ABLIM2: variants seen among roughly 807,000 people sequenced by gnomAD.
ABLIM2 encodes actin binding LIM protein family member 2.
In ABLIM2, 53 loss-of-function variants were observed where a neutral mutation model predicts 97.7. The ratio of observed to expected loss-of-function variants is 0.54; its 90% confidence interval spans 0.44 to 0.68. The LOEUF is 0.68. Ranked by LOEUF, ABLIM2 falls within the 30% of genes least tolerant of loss-of-function variation. ABLIM2 has a pLI of 0.00. For missense variants in ABLIM2, 835 were observed against 867.2 expected (o/e 0.96, Z 0.47); for synonymous variants, 361 against 345.8 (o/e 1.04, Z -0.49).
chr4:8,026,692 AC>A (rs1777579526), intron 12 of ABLIM2, among the ~76,000 whole-genome samples: 2 of 152,264 alleles, frequency 1.3e-5, no homozygotes, highest in South Asian at 4.1e-4. Flanking sequence ...GGGCTGTGTC[AC>A]AAAATACCAC....
chr4:7,977,617 C>T (rs1734555457), intron 20 of ABLIM2, among the ~76,000 whole-genome samples: 1 of 151,946 alleles, frequency 6.6e-6, no homozygotes, highest in African/African-American at 2.4e-5. Flanking sequence ...TGGTGAAACC[C>T]CATCTCTATT....
At chr4:8,026,335 A>G (rs560327709) in intron 12 of ABLIM2, among the ~76,000 whole-genome samples, 64 of 152,350 alleles carry the variant, frequency 4.2e-4, no homozygotes, top group African/African-American at 1.5e-3. Context: ...GAGTCAGATC[A>G]TCCCAAAGCT....
intron 12 of ABLIM2, among the ~76,000 whole-genome samples, chr4:8,024,988 G>A (rs1347286220): frequency 6.6e-6 from 1 of 152,154 alleles, no homozygotes; most frequent in Non-Finnish European, 1.5e-5. Context: ...GGAGTGCAGT[G>A]GCTCAGTCTC....
At chr4:8,098,050 G>A (rs1257566618) in intron 2 of ABLIM2, among the ~76,000 whole-genome samples, 4 of 152,162 alleles carry the variant, frequency 2.6e-5, no homozygotes, top group African/African-American at 9.7e-5. Context: ...CACCAGCTCA[G>A]AGGCCCCCAG....
At position 8,005,659 on chromosome 4, in the gene ABLIM2, G is replaced by T. The variant is rs73214086; in HGVS notation, c.1618+2400C>A. ...AGGCTCACCTGATCCAGGCACAGCCGGCAGTCTGGGTCCTCGCTGCCATTT... is the reference window on the plus strand; with the variant it reads ...AGGCTCACCTGATCCAGGCACAGCCTGCAGTCTGGGTCCTCGCTGCCATTT... On this transcript the variant is annotated intron_variant, in intron 16 of 20. Transcript: ENST00000447017. The surrounding 1 kb of genome is among the most constrained non-coding windows in gnomAD (Gnocchi z 4.9). Among the ~76,000 whole-genome samples the T allele has an allele frequency of 2.6e-4, 40 of 152,318 alleles. No homozygotes were observed. Among genetic ancestry groups the T allele is most frequent in the Admixed American group, 1.7e-3 (26 of 15,310 alleles).
rs55653863 is a variant in ABLIM2 at position 8,054,355 on chromosome 4, G to A, written c.764-109C>T. 227 of 1,174,764 alleles carry A rather than the reference G, an allele frequency of 1.9e-4. No individual in the cohort carries two copies. The highest frequency in any genetic ancestry group is 2.8e-4 in the Non-Finnish European group (223 of 804,484). 72.8% of individuals were successfully genotyped at this position (1,174,764 alleles called of 1,614,324 possible). A position where few individuals can be genotyped will look rare whatever the true frequency, so the allele number is the denominator to read the frequency against. ...TGGTCCATGCACAGACGTGCACTCG[G>A]ACTCCACCCTCCAAGCGGCCCTGAG... On this transcript the variant is annotated intron_variant, in intron 7 of 20. Coordinates refer to ENST00000447017, the MANE Select transcript of ABLIM2 (RefSeq NM_001130083.2). The surrounding 1 kb of genome is among the most constrained non-coding windows in gnomAD (Gnocchi z 4.9).
chr4:8,090,484 T>G (rs954355086), intron 3 of ABLIM2, among the ~76,000 whole-genome samples: 1 of 152,208 alleles, frequency 6.6e-6, no homozygotes, highest in Non-Finnish European at 1.5e-5. Context: ...GCTATGATTG[T>G]ATTTCCTCAA....
chr4:8,007,437 G>A (rs1020722698), intron 16 of ABLIM2: 19 of 985,394 alleles, frequency 1.9e-5, no homozygotes, highest in African/African-American at 1.7e-5. Flanking sequence ...CCCGCAGACC[G>A]CTTCTGGGAG....
chr4:7,975,044 C>A (rs1276662695), intron 20 of ABLIM2, among the ~76,000 whole-genome samples: 1 of 152,068 alleles, frequency 6.6e-6, no homozygotes, highest in African/African-American at 2.4e-5. Flanking sequence ...CATAGTAAGA[C>A]CCTGTCTCTA....
At chr4:8,018,940 G>A (rs1252765597) in intron 14 of ABLIM2, among the ~76,000 whole-genome samples, 4 of 152,148 alleles carry the variant, frequency 2.6e-5, no homozygotes, top group Non-Finnish European at 5.9e-5. Context: ...TGAGTAAACC[G>A]AGGCTCAGGA....
chr4:8,115,785 C>A (rs1329623737), intron 1 of ABLIM2, among the ~76,000 whole-genome samples: 1 of 152,208 alleles, frequency 6.6e-6, no homozygotes, highest in African/African-American at 2.4e-5. Flanking sequence ...ACCTCTGCAA[C>A]TGCTTTGACC....
chr4:8,007,090 C>T (rs1183679938), intron 16 of ABLIM2: 7 of 985,316 alleles, frequency 7.1e-6, no homozygotes, highest in African/African-American at 1.7e-5. Context: ...TCACTCTTTC[C>T]TGTCACATTG....
chr4:7,984,473 G>A (rs1303068317), intron 18 of ABLIM2, among the ~76,000 whole-genome samples: 2 of 152,330 alleles, frequency 1.3e-5, no homozygotes, highest in Non-Finnish European at 1.5e-5. Context: ...GCGGCGTGCC[G>A]GCAGCCACAC....
At chr4:8,093,129 G>T (rs964847162) in intron 3 of ABLIM2, among the ~76,000 whole-genome samples, 2 of 152,196 alleles carry the variant, frequency 1.3e-5, no homozygotes, top group Admixed American at 1.3e-4. Flanking sequence ...GATTACAGGC[G>T]TGAGCCACCG....
intron 17 of ABLIM2, 75 bp from the exon 18 acceptor site, chr4:7,984,968 TG>T (rs1742520200): frequency 4.6e-6 from 7 of 1,508,746 alleles, no homozygotes; most frequent in Middle Eastern, 1.7e-4. Flanking sequence ...GACCAGGAGA[TG>T]TGGCCCCTTG....
intron 9 of ABLIM2, among the ~76,000 whole-genome samples, chr4:8,040,651 C>A (rs1161907840): frequency 6.6e-6 from 1 of 151,704 alleles, no homozygotes; most frequent in Admixed American, 6.6e-5. Flanking sequence ...CAGGGCAGAA[C>A]CCTGGGATAA....
At chr4:8,034,519 G>T (rs1238443138) in intron 10 of ABLIM2, among the ~76,000 whole-genome samples, 2 of 72,448 alleles carry the variant, frequency 2.8e-5, no homozygotes, top group Non-Finnish European at 5.5e-5. Flanking sequence ...GTGGGTGCAG[G>T]TGGGTGGGTG....
At chr4:8,029,051 AG>A (rs1436904534) in intron 11 of ABLIM2, among the ~76,000 whole-genome samples, 1 of 151,798 alleles carries the variant, frequency 6.6e-6, no homozygotes, top group Non-Finnish European at 1.5e-5. Flanking sequence ...TCACAGCTAC[AG>A]GGATTGATAC....
intron 1 of ABLIM2, among the ~76,000 whole-genome samples, chr4:8,145,745 T>C (rs954129500): frequency 2.5e-4 from 35 of 138,666 alleles, no homozygotes; most frequent in Middle Eastern, 3.6e-3. Flanking sequence ...TACACACTCA[T>C]ACACACACAC....
Sources: gnomAD v4.1 joint callset for allele counts (sites outside exome capture counted in the v4.1 genomes callset) on GRCh38, gnomAD v4.1.1 for gene constraint, Gnocchi (gnomAD v3.1) non-coding constraint, MANE v1.5 for transcripts, NCBI Gene and HGNC (gene_info 2026-07-23, HGNC 2026-07-21) for gene names.